KCNU1: variants seen among roughly 807,000 people sequenced by gnomAD.
KCNU1 encodes the protein potassium channel subfamily U member 1.
In KCNU1, 93 loss-of-function variants were observed where a neutral mutation model predicts 126.8. That is an observed-to-expected ratio of 0.73 (90% CI 0.62 to 0.87). The LOEUF (loss-of-function observed/expected upper bound fraction) is 0.87. Ranked by LOEUF, KCNU1 falls within the 40% of genes least tolerant of loss-of-function variation. The pLI is 0.00. For missense variants in KCNU1, 1,330 were observed against 1,367.1 expected (o/e 0.97, Z 0.43); for synonymous variants, 523 against 494.2 (o/e 1.06, Z -0.77).
chr8:36,896,337 C>T (rs1193620955), intron 19 of KCNU1, among the ~76,000 whole-genome samples: 1 of 151,914 alleles, frequency 6.6e-6, no homozygotes, highest in Non-Finnish European at 1.5e-5. Context: ...TGAACAGTAT[C>T]ACATCAGATG....
chr8:36,866,102 C>T (rs1805903191), intron 19 of KCNU1, among the ~76,000 whole-genome samples: 1 of 151,884 alleles, frequency 6.6e-6, no homozygotes, highest in South Asian at 2.1e-4. Context: ...AGTATGTCCT[C>T]ATTAAATGCT....
chr8:36,791,751 C>G (rs964165939), intron 2 of KCNU1, among the ~76,000 whole-genome samples: 4 of 151,978 alleles, frequency 2.6e-5, no homozygotes, highest in Admixed American at 2.0e-4. Flanking sequence ...GTAATGCAAC[C>G]TCTCGGAAAA....
At chr8:36,796,389 T>C (rs1803100606) in intron 2 of KCNU1, among the ~76,000 whole-genome samples, 1 of 152,244 alleles carries the variant, frequency 6.6e-6, no homozygotes, top group Non-Finnish European at 1.5e-5. Flanking sequence ...GCAATACTAA[T>C]TATGTTATAT....
chr8:36,820,201 C>T (rs1459304094), intron 10 of KCNU1, among the ~76,000 whole-genome samples: 2 of 152,162 alleles, frequency 1.3e-5, no homozygotes, highest in Non-Finnish European at 2.9e-5. Context: ...CTGAGACCAG[C>T]CAACCTACAA....
chr8:36,884,251 T>A (rs767404244), intron 19 of KCNU1, among the ~76,000 whole-genome samples: 16 of 152,210 alleles, frequency 1.1e-4, no homozygotes, highest in African/African-American at 1.9e-4. Context: ...TGATTTTTAA[T>A]GAGGACATTG....
chr8:36,810,250 CAAA>C (rs5890885), intron 7 of KCNU1, among the ~76,000 whole-genome samples: 1 of 139,468 alleles, frequency 7.2e-6, no homozygotes, highest in Non-Finnish European at 1.6e-5. Context: ...GACTCCATCT[CAAA>C]AAAAAAAAAA....
At chr8:36,883,538 C>T (rs879635694) in intron 19 of KCNU1, among the ~76,000 whole-genome samples, 1 of 152,126 alleles carries the variant, frequency 6.6e-6, no homozygotes, top group Non-Finnish European at 1.5e-5. Flanking sequence ...AATCCCAGCA[C>T]TTGGGAAGGC....
intron 19 of KCNU1, among the ~76,000 whole-genome samples, chr8:36,877,193 C>T (rs1397562172): frequency 6.6e-6 from 1 of 152,090 alleles, no homozygotes; most frequent in East Asian, 1.9e-4. Flanking sequence ...GGTAAGGATT[C>T]ATAGAATCAA....
intron 2 of KCNU1, among the ~76,000 whole-genome samples, chr8:36,789,845 A>T (rs1318128190): frequency 1.3e-5 from 2 of 152,238 alleles, no homozygotes; most frequent in African/African-American, 4.8e-5. Flanking sequence ...TTGCGGAGGC[A>T]AAGAGCTCCA....
At chr8:36,876,547 T>G (rs1363685553) in intron 19 of KCNU1, among the ~76,000 whole-genome samples, 1 of 152,150 alleles carries the variant, frequency 6.6e-6, no homozygotes, top group Non-Finnish European at 1.5e-5. Context: ...ACCATGTTCT[T>G]TCTTGGAGGT....
intron 4 of KCNU1, 33 bp downstream of exon 4, chr8:36,805,318 C>G (rs1803457650): frequency 8.0e-7 from 1 of 1,253,790 alleles, no homozygotes; most frequent in African/African-American, 1.5e-5. Flanking sequence ...AGTGAATATC[C>G]AAACACCACA....
In KCNU1 at chr8:36,932,967, T is replaced by C. The variant is rs561739418; in HGVS notation, c.2979T>C (p.Phe993=). The change falls in exon 26 of 27, where the codon TTT becomes TTC. Residue 993 remains phenylalanine, a synonymous_variant. Transcript: ENST00000399881. The stretch of plus-strand genomic sequence containing the variant: ...TGTTCTGTGGCTCATTAGATCTTTT[T>C]GGAATCCTGTGTGTTGGCTTATACC... ...GQLFCGSLDL[F]GILCVGLYRI... The C allele has an allele frequency of 6.3e-7, 1 of 1,577,336 alleles. No individual in the cohort carries two copies.
At chr8:36,818,589 C>A (rs80111679) in intron 10 of KCNU1, among the ~76,000 whole-genome samples, 1 of 152,132 alleles carries the variant, frequency 6.6e-6, no homozygotes, top group Non-Finnish European at 1.5e-5. Flanking sequence ...ATTGCTTTTG[C>A]CTGATGTGTA....
chr8:36,791,818 G>A (rs959007901), intron 2 of KCNU1, among the ~76,000 whole-genome samples: 1 of 152,042 alleles, frequency 6.6e-6, no homozygotes, highest in Non-Finnish European at 1.5e-5. Flanking sequence ...TATTTTATAT[G>A]CATTGTTTAT....
At chr8:36,830,970 C>A (rs1338920058) in intron 10 of KCNU1, among the ~76,000 whole-genome samples, 1 of 141,470 alleles carries the variant, frequency 7.1e-6, no homozygotes, top group Non-Finnish European at 1.5e-5. Context: ...CATGTGTTCT[C>A]ATTGTTCAAT....
intron 19 of KCNU1, among the ~76,000 whole-genome samples, chr8:36,865,773 CAAAAAAAAAAAAAA>C (rs538090899): frequency 1.6e-5 from 1 of 61,386 alleles, no homozygotes; most frequent in African/African-American, 8.4e-5. Flanking sequence ...AAGAGCTTGT[CAAAAAAAAAAAAAA>C]AAAAAAAAAA....
intron 7 of KCNU1, among the ~76,000 whole-genome samples, chr8:36,813,582 T>C: frequency 1.3e-5 from 2 of 151,300 alleles, no homozygotes; most frequent in Middle Eastern, 3.4e-3. Flanking sequence ...ACCTCATTTA[T>C]CTAATATTAA....
intron 5 of KCNU1, 103 bp downstream of exon 5, chr8:36,806,483 T>C (rs1585395910): frequency 1.5e-6 from 1 of 662,088 alleles, no homozygotes; most frequent in Non-Finnish European, 2.6e-6. Context: ...TGCCTGACTG[T>C]CATTTTAAAA....
chr8:36,836,415 T>C, intron 13 of KCNU1, 50 bp downstream of exon 13: 1 of 1,253,576 alleles, frequency 8.0e-7, no homozygotes, highest in Non-Finnish European at 1.1e-6. Context: ...TCTATATAGC[T>C]AGACGAACTT....
Sources: gnomAD v4.1 joint callset for allele counts (sites outside exome capture counted in the v4.1 genomes callset) on GRCh38, gnomAD v4.1.1 for gene constraint, MANE v1.5 for transcripts, NCBI Gene and HGNC (gene_info 2026-07-23, HGNC 2026-07-21) for gene names.